Variants in PTPRD observed in about 807,000 individuals in gnomAD.
PTPRD encodes receptor-type tyrosine-protein phosphatase delta.
Under a neutral mutation model 214.5 loss-of-function variants are expected in PTPRD, and 34 were observed. The ratio of observed to expected loss-of-function variants is 0.16; its 90% CI spans 0.12 to 0.21. PTPRD has a LOEUF of 0.21. Among genes scored for constraint, PTPRD ranks in the 10% least tolerant of loss-of-function variants. The pLI, the probability that PTPRD is intolerant of heterozygous loss-of-function variation, is 1.00. For missense variants in PTPRD, 2,545 were observed against 2,398.7 expected (o/e 1.06, Z -1.27); for synonymous variants, 1,128 against 845.7 (o/e 1.33, Z -5.79).
At chr9:10,476,905 A>T (rs1411084884) in intron 2 of PTPRD, among the ~76,000 whole-genome samples, 1 of 152,184 alleles carries the variant, frequency 6.6e-6, no homozygotes, top group Non-Finnish European at 1.5e-5. Context: ...TTATTTAATA[A>T]ATGGTGCTGT....
In PTPRD at chr9:9,467,588, CAAAAAAA is replaced by C. The variant is rs1176159031; in HGVS notation, c.-236-70113_-236-70107del. On this transcript the variant is annotated intron_variant, in intron 8 of 45. Coordinates refer to ENST00000381196, the MANE Select transcript of PTPRD (RefSeq NM_002839.4). Reference sequence around the variant, plus strand: ...GGCGACAGAGCGGGACTCCATCTCCCAAAAAAAAAAAAAAAAAAAAAAGTTGAGCAGA... The same window carrying C: ...GGCGACAGAGCGGGACTCCATCTCCCAAAAAAAAAAAAAAAGTTGAGCAGA... 2.1e-4 allele frequency among the ~76,000 whole-genome samples: 12 copies of C among 55,952 alleles called. No homozygotes were observed. The East Asian group carries it at 2.3e-3, about 11-fold the overall frequency. 36.7% of individuals were successfully genotyped at this position (55,952 alleles called of 152,430 possible). A position where few individuals can be genotyped will look rare whatever the true frequency, so the allele number is the denominator to read the frequency against.
At chr9:10,016,818 T>C (rs2096727042) in intron 4 of PTPRD, among the ~76,000 whole-genome samples, 1 of 152,040 alleles carries the variant, frequency 6.6e-6, no homozygotes, top group African/African-American at 2.4e-5. Context: ...GCATGCACCA[T>C]CATGTCTGGC....
Position 9,795,192 on chromosome 9 carries a change from T to C in PTPRD, c.-367-28341A>G, listed in dbSNP as rs143906913. 5.2e-3 allele frequency among the ~76,000 whole-genome samples: 785 copies of C among 152,334 alleles called. 7 individuals carry two copies. The highest frequency in any genetic ancestry group is 0.017 in the African/African-American group (700 of 41,584). ...CTGTCACACTTTTGCTCCTGTCCTA[T>C]GGTGTTGGAAAGGCCACATGTATTT... On this transcript the variant is annotated intron_variant, in intron 5 of 45. Coordinates refer to ENST00000381196, the MANE Select transcript of PTPRD (RefSeq NM_002839.4).
chr9:10,526,295 TG>T (rs2054261179), intron 2 of PTPRD, among the ~76,000 whole-genome samples: 2 of 152,120 alleles, frequency 1.3e-5, no homozygotes, highest in Admixed American at 1.3e-4. Flanking sequence ...AATAATTTCT[TG>T]GGCACATATT....
chr9:10,133,365 TA>T (rs1374541767), intron 3 of PTPRD, among the ~76,000 whole-genome samples: 1 of 152,134 alleles, frequency 6.6e-6, no homozygotes. Flanking sequence ...GCTAAAAAAC[TA>T]GAGTTGTGTC....
rs186660828 is a variant in PTPRD, at chr9:8,349,522, T to A, written c.4662-7544A>T. ...TGCAGTGATAATGACGGAACCCTAT[T>A]TAGTGCTGTTTGTTTTTCATCATTT... is the stretch of plus-strand genomic sequence containing the variant. On this transcript the variant is annotated intron_variant, in intron 39 of 45. Coordinates refer to ENST00000381196, the MANE Select transcript of PTPRD (RefSeq NM_002839.4). Among the ~76,000 whole-genome samples the A allele has an allele frequency of 3.6e-3, 554 of 152,282 alleles. 1 individual carries two copies. Among genetic ancestry groups the A allele is most frequent in the Non-Finnish European group, 5.4e-3 (370 of 68,012 alleles).
At chr9:8,661,030 C>T (rs2097034873) in intron 12 of PTPRD, among the ~76,000 whole-genome samples, 1 of 152,008 alleles carries the variant, frequency 6.6e-6, no homozygotes, top group African/African-American at 2.4e-5. Context: ...TTCCCTTTTG[C>T]AGATGATGAA....
chr9:9,669,339 T>C (rs2096782100), intron 7 of PTPRD, among the ~76,000 whole-genome samples: 1 of 152,162 alleles, frequency 6.6e-6, no homozygotes, highest in Admixed American at 6.5e-5. Flanking sequence ...TTGTTCCTGA[T>C]TGGTATGGAA....
intron 3 of PTPRD, among the ~76,000 whole-genome samples, chr9:10,168,561 C>T (rs900410818): frequency 3.3e-5 from 5 of 152,154 alleles, no homozygotes; most frequent in African/African-American, 4.8e-5. Context: ...ATCTTTTGTG[C>T]TTCTCTTTCT....
At chr9:10,225,090 C>G (rs1021005558) in intron 3 of PTPRD, among the ~76,000 whole-genome samples, 6 of 151,904 alleles carry the variant, frequency 3.9e-5, no homozygotes, top group African/African-American at 9.7e-5. Flanking sequence ...GTTCAGAGGT[C>G]AGCTGTGTGG....
At chr9:9,636,258 C>T (rs1050427951) in intron 7 of PTPRD, among the ~76,000 whole-genome samples, 1 of 152,208 alleles carries the variant, frequency 6.6e-6, no homozygotes, top group Non-Finnish European at 1.5e-5. Context: ...TTCCATGGTA[C>T]AGACTTTTAA....
chr9:9,122,650 A>G (rs2099818679), intron 10 of PTPRD, among the ~76,000 whole-genome samples: 1 of 152,188 alleles, frequency 6.6e-6, no homozygotes, highest in Non-Finnish European at 1.5e-5. Context: ...AGTACATGAC[A>G]TGAACATATG....
chr9:8,836,508 G>A (rs1479414230), intron 11 of PTPRD, among the ~76,000 whole-genome samples: 1 of 149,622 alleles, frequency 6.7e-6, no homozygotes, highest in African/African-American at 2.5e-5. Flanking sequence ...AAATAGTGGG[G>A]TTAATTTTAA....
At chr9:10,503,921 C>A (rs1342903137) in intron 2 of PTPRD, among the ~76,000 whole-genome samples, 1 of 151,338 alleles carries the variant, frequency 6.6e-6, no homozygotes, top group Non-Finnish European at 1.5e-5. Flanking sequence ...TCAAGACCAT[C>A]CTGGCTAACA....
chr9:8,911,102 T>A (rs1295128110), intron 11 of PTPRD, among the ~76,000 whole-genome samples: 2 of 152,214 alleles, frequency 1.3e-5, no homozygotes, highest in Admixed American at 6.5e-5. Flanking sequence ...CTGGCAGGCA[T>A]GTTTTTGTAC....
intron 14 of PTPRD, among the ~76,000 whole-genome samples, chr9:8,555,889 C>CTAA (rs1410961498): frequency 6.6e-6 from 1 of 152,150 alleles, no homozygotes; most frequent in Non-Finnish European, 1.5e-5. Context: ...CCATCTTGGA[C>CTAA]TTTATATTGC....
At position 8,474,426 on chromosome 9, in the gene PTPRD, T is replaced by C. The variant is rs145664967; in HGVS notation, c.3414-3341A>G. 5.9e-4 allele frequency among the ~76,000 whole-genome samples: 90 copies of C among 152,212 alleles called. 1 individual carries two copies. The East Asian group carries it at 0.016, about 27-fold the overall frequency. On this transcript the variant is annotated intron_variant, in intron 30 of 45. Coordinates refer to ENST00000381196, the MANE Select transcript of PTPRD (RefSeq NM_002839.4). Reference sequence around the variant, plus strand: ...CTCTCAGATTCTTCAATTCTCCCTTTCCAAAGCCCGTCTCCTCCACTCTAC... The same window carrying C: ...CTCTCAGATTCTTCAATTCTCCCTTCCCAAAGCCCGTCTCCTCCACTCTAC...
intron 3 of PTPRD, among the ~76,000 whole-genome samples, chr9:10,166,242 T>C (rs1381951014): frequency 7.6e-6 from 1 of 131,748 alleles, no homozygotes; most frequent in Non-Finnish European, 1.6e-5. Flanking sequence ...ACTGAAAAAT[T>C]GAAAAAAAAA....
chr9:10,002,701 A>G (rs2096357807), intron 4 of PTPRD, among the ~76,000 whole-genome samples: 1 of 151,472 alleles, frequency 6.6e-6, no homozygotes, highest in Non-Finnish European at 1.5e-5. Context: ...AAAAAAACTT[A>G]CAGAAACAAA....
Sources: allele counts gnomAD v4.1 joint callset (sites outside exome capture counted in the v4.1 genomes callset), GRCh38; gene constraint gnomAD v4.1.1; transcripts MANE v1.5; gene names NCBI Gene and HGNC (gene_info 2026-07-23, HGNC 2026-07-21).